HSPA12A: variants seen among roughly 807,000 people sequenced by gnomAD.
HSPA12A encodes the protein heat shock 70 kDa protein 12A.
HSPA12A carries 28 observed loss-of-function variants against 69.2 expected under a neutral mutation model. The ratio of observed to expected loss-of-function variants is 0.40; its 90% confidence interval spans 0.30 to 0.55. The LOEUF is 0.55. Among genes scored for constraint, HSPA12A ranks in the 20% least tolerant of loss-of-function variants. The pLI, the probability that HSPA12A is intolerant of heterozygous loss-of-function variation, is 0.38. For synonymous variants in HSPA12A, 345 were observed against 370.5 expected, an observed-to-expected ratio of 0.93 and a Z score of 0.79; for missense variants, 686 against 900.7, an observed-to-expected ratio of 0.76 and a Z score of 3.05.
intron 2 of HSPA12A, among the ~76,000 whole-genome samples, chr10:116,765,056 A>G (rs902118743): frequency 6.6e-6 from 1 of 152,196 alleles, no homozygotes; most frequent in African/African-American, 2.4e-5. Context: ...GACTTTGGAG[A>G]GGAGAGATGC....
intron 6 of HSPA12A, among the ~76,000 whole-genome samples, chr10:116,689,005 A>G (rs966020648): frequency 1.3e-5 from 2 of 152,160 alleles, no homozygotes; most frequent in African/African-American, 4.8e-5. Flanking sequence ...ACAAAAGATA[A>G]AGGTTTAACC....
At chr10:116,834,951 C>G in exon 2 of HSPA12A, 1 of 1,231,406 alleles carries the variant, frequency 8.1e-7, no homozygotes. Context: ...CGGCTATTTC[C>G]CACCTTGAAT....
At chr10:116,810,783 T>C (rs556130270) in intron 2 of HSPA12A, among the ~76,000 whole-genome samples, 1 of 152,270 alleles carries the variant, frequency 6.6e-6, no homozygotes, top group East Asian at 1.9e-4. Flanking sequence ...TGAGAACCAG[T>C]GCGCTAATCA....
chr10:116,742,676 C>A (rs1851555247), upstream of HSPA12A: 2 of 897,594 alleles, frequency 2.2e-6, no homozygotes, highest in Admixed American at 5.9e-5. Context: ...CGAGCTCGGG[C>A]CGGCCGGGAA....
At position 116,671,229 on chromosome 10, in the gene HSPA12A, G is replaced by C. The variant is rs1554876546; in HGVS notation, c.*3552C>G. 2.0e-5 allele frequency: 3 copies of C among 152,208 alleles called. No homozygotes were observed. The highest frequency in any genetic ancestry group is 7.2e-5 in the African/African-American group (3 of 41,446). The allele number at this position is 152,208 out of a possible 1,614,324, so 9.4% of individuals were successfully genotyped here. A position where few individuals can be genotyped will look rare whatever the true frequency, so the allele number is the denominator to read the frequency against. On this transcript the variant is annotated 3_prime_UTR_variant, in exon 12 of 12. Coordinates refer to ENST00000369209, the MANE Select transcript of HSPA12A (RefSeq NM_025015.3). ...TTTTGCTTTATTAGGCGTCTGTGAA[G>C]ACAAGAGAGTTTGCAGACACAGTCC...
chr10:116,742,547 G>A lies in HSPA12A; in HGVS notation c.-78C>T. 1 of 1,176,066 alleles carries A rather than the reference G, an allele frequency of 8.5e-7. No homozygotes were observed. 72.9% of individuals were successfully genotyped at this position (1,176,066 alleles called of 1,614,324 possible). A position where few individuals can be genotyped will look rare whatever the true frequency, so the allele number is the denominator to read the frequency against. On this transcript the variant is annotated 5_prime_UTR_variant, in exon 1 of 12. Transcript: ENST00000369209. The stretch of plus-strand genomic sequence containing the variant: ...GTGCGGGTCTCTGTCCGCGTCCGCG[G>A]CGGCGCTCGGGCCGTGTCTGAGCCG...
chr10:116,798,171 C>T (rs1169188453), intron 2 of HSPA12A, among the ~76,000 whole-genome samples: 6 of 14,388 alleles, frequency 4.2e-4, no homozygotes, highest in African/African-American at 1.5e-3. Flanking sequence ...GGTAGAGGGG[C>T]GGGGCGGTGG....
chr10:116,696,676 G>A (rs1189846088), intron 5 of HSPA12A, among the ~76,000 whole-genome samples: 1 of 152,026 alleles, frequency 6.6e-6, no homozygotes, highest in Non-Finnish European at 1.5e-5. Flanking sequence ...GAAATCCTTT[G>A]AGGACTCCCC....
At chr10:116,742,356 A>G (rs1851540265) in intron 1 of HSPA12A, 74 bp downstream of exon 1, 2 of 1,359,502 alleles carry the variant, frequency 1.5e-6, no homozygotes, top group Non-Finnish European at 9.5e-7. Context: ...GGGGGTGCGG[A>G]GCGTTGGGCC....
intron 2 of HSPA12A, among the ~76,000 whole-genome samples, chr10:116,770,089 C>T (rs1041122188): frequency 6.6e-6 from 1 of 152,120 alleles, no homozygotes; most frequent in African/African-American, 2.4e-5. Flanking sequence ...CTGAACATGC[C>T]GTCATAGTTC....
At chr10:116,758,897 A>C (rs1352512996) in intron 2 of HSPA12A, among the ~76,000 whole-genome samples, 1 of 152,170 alleles carries the variant, frequency 6.6e-6, no homozygotes, top group African/African-American at 2.4e-5. Flanking sequence ...GCCTCGGCTG[A>C]TTCTAGATCC....
intron 2 of HSPA12A, among the ~76,000 whole-genome samples, chr10:116,773,601 T>C (rs1844263784): frequency 6.6e-6 from 1 of 152,212 alleles, no homozygotes; most frequent in Non-Finnish European, 1.5e-5. Context: ...AGCAGTCTCC[T>C]CCTCCTTATT....
At chr10:116,775,572 C>T (rs1315849830) in intron 2 of HSPA12A, among the ~76,000 whole-genome samples, 2 of 152,050 alleles carry the variant, frequency 1.3e-5, no homozygotes, top group Admixed American at 6.5e-5. Context: ...TCAGGGCACC[C>T]GATGAGAGGG....
intron 2 of HSPA12A, among the ~76,000 whole-genome samples, chr10:116,799,383 C>A (rs147648164): frequency 0.028 from 4,254 of 152,292 alleles, 198 homozygotes; most frequent in African/African-American, 0.097. Flanking sequence ...AACAGCGTGT[C>A]AATACTGCAT....
rs550681977 is a variant in HSPA12A at position 116,685,851 on chromosome 10, G to A, written c.664-1889C>T. ...TGTAAATACCAAATGCCTCAAAATG[G>A]CAGAACCACATCTGGAAGGCTGACT... On this transcript the variant is annotated intron_variant, in intron 6 of 11. Coordinates refer to ENST00000369209, the MANE Select transcript of HSPA12A (RefSeq NM_025015.3). 5.9e-5 allele frequency among the ~76,000 whole-genome samples: 9 copies of A among 152,194 alleles called. No individual in the cohort carries two copies. The East Asian group carries it at 1.5e-3, about 26-fold the overall frequency.
At chr10:116,691,297 TC>T (rs1849731423) in intron 6 of HSPA12A, among the ~76,000 whole-genome samples, 1 of 152,156 alleles carries the variant, frequency 6.6e-6, no homozygotes, top group African/African-American at 2.4e-5. Flanking sequence ...AGTCAAGCCT[TC>T]CGAGTGAGCG....
At chr10:116,693,444 C>T (rs1486921795) in intron 5 of HSPA12A, among the ~76,000 whole-genome samples, 1 of 152,112 alleles carries the variant, frequency 6.6e-6, no homozygotes, top group Non-Finnish European at 1.5e-5. Context: ...GCATTGCTGG[C>T]GAGATTAAAT....
chr10:116,703,333 T>A (rs1247601580), intron 3 of HSPA12A, among the ~76,000 whole-genome samples: 2 of 152,164 alleles, frequency 1.3e-5, no homozygotes, highest in East Asian at 3.9e-4. Context: ...GTCACTTTTA[T>A]TATGACTTGT....
intron 1 of HSPA12A, among the ~76,000 whole-genome samples, chr10:116,738,017 C>T (rs1851366657): frequency 6.6e-6 from 1 of 152,244 alleles, no homozygotes; most frequent in African/African-American, 2.4e-5. Context: ...ACACGCTGCT[C>T]ATTCATTAAA....
Sources: gnomAD v4.1 joint callset for allele counts (sites outside exome capture counted in the v4.1 genomes callset) on GRCh38, gnomAD v4.1.1 for gene constraint, MANE v1.5 for transcripts, NCBI Gene and HGNC (gene_info 2026-07-23, HGNC 2026-07-21) for gene names.